The following C1orf21 variants were observed in gnomAD, a reference collection of about 807,000 sequenced individuals.
C1orf21 encodes chromosome 1 open reading frame 21.
A neutral mutation model predicts 18.7 loss-of-function variants in C1orf21; 3 were observed. The observed-to-expected ratio is 0.16, with a 90% CI of 0.07 to 0.42. The LOEUF (loss-of-function observed/expected upper bound fraction) is 0.42. Ranked by LOEUF, C1orf21 falls within the 10% of genes least tolerant of loss-of-function variation. C1orf21 has a pLI of 0.99. For missense variants in C1orf21, 104 were observed against 143.6 expected, an observed-to-expected ratio of 0.72 and a Z score of 1.41; for synonymous variants, 41 against 46.4, an observed-to-expected ratio of 0.88 and a Z score of 0.47.
chr1:184,454,758 G>T (rs191195721), intron 1 of C1orf21, among the ~76,000 whole-genome samples: 146 of 152,226 alleles, frequency 9.6e-4, no homozygotes, highest in African/African-American at 3.0e-3. Flanking sequence ...CTCCCTAGAA[G>T]GTGGGCATGT....
intron 3 of C1orf21, among the ~76,000 whole-genome samples, chr1:184,572,112 G>T (rs1289398981): frequency 6.6e-6 from 1 of 152,170 alleles, no homozygotes; most frequent in Admixed American, 6.5e-5. Context: ...CTTGGGAGGG[G>T]TGCTGTCAAT....
intron 1 of C1orf21, among the ~76,000 whole-genome samples, chr1:184,407,535 T>G (rs1454566094): frequency 6.6e-6 from 1 of 152,304 alleles, no homozygotes; most frequent in East Asian, 1.9e-4. Context: ...CCGCATCCGC[T>G]TAGTGCAGCG....
At chr1:184,558,678 C>T (rs1026023120) in intron 3 of C1orf21, among the ~76,000 whole-genome samples, 2 of 152,174 alleles carry the variant, frequency 1.3e-5, no homozygotes, top group African/African-American at 2.4e-5. Context: ...TGGGATCCTT[C>T]GAGTAAACTT....
intron 1 of C1orf21, among the ~76,000 whole-genome samples, chr1:184,435,115 T>C (rs1268366877): frequency 6.6e-6 from 1 of 152,108 alleles, no homozygotes; most frequent in African/African-American, 2.4e-5. Flanking sequence ...ACTGGTGAGA[T>C]GTATGAGGAA....
chr1:184,523,009 C>T (rs1658325929), intron 3 of C1orf21, among the ~76,000 whole-genome samples: 1 of 152,082 alleles, frequency 6.6e-6, no homozygotes, highest in Non-Finnish European at 1.5e-5. Flanking sequence ...ACACTTTATA[C>T]AGAGTATAAA....
In C1orf21 at chr1:184,625,675, T is replaced by C. The variant is rs1187657630; in HGVS notation, c.*6119T>C. The C allele has an allele frequency of 6.6e-6, 1 of 152,580 alleles. No homozygotes were observed. The highest frequency in any genetic ancestry group is 1.5e-5 in the Non-Finnish European group (1 of 68,030). The allele number at this position is 152,580 out of a possible 1,614,324, so 9.5% of individuals were successfully genotyped here. A position where few individuals can be genotyped will look rare whatever the true frequency, so the allele number is the denominator to read the frequency against. On this transcript the variant is annotated 3_prime_UTR_variant, in exon 6 of 6. Coordinates refer to ENST00000235307, the MANE Select transcript of C1orf21 (RefSeq NM_030806.4). ...TCCAAGATAGTGTCTAGGAAAGTAA[T>C]AGTATAACTATAGGGATACCGAAAC...
intron 1 of C1orf21, chr1:184,412,139 T>C (rs1196373671): frequency 1.3e-5 from 2 of 152,260 alleles, no homozygotes; most frequent in African/African-American, 4.8e-5. Context: ...TAAATATTCC[T>C]GTCAGCTAAA....
chr1:184,445,327 A>G (rs1657011259), intron 1 of C1orf21, among the ~76,000 whole-genome samples: 1 of 143,772 alleles, frequency 7.0e-6, no homozygotes, highest in African/African-American at 2.7e-5. Flanking sequence ...ATGTAAAACC[A>G]CGCCCTTTTT....
At chr1:184,568,371 A>G (rs1659063564) in intron 3 of C1orf21, 1 of 456,528 alleles carries the variant, frequency 2.2e-6, no homozygotes, top group African/African-American at 2.2e-5. Context: ...ATTAAACACT[A>G]ACTCCTCCTT....
chr1:184,527,718 C>T (rs1006056036), intron 3 of C1orf21, among the ~76,000 whole-genome samples: 1 of 152,112 alleles, frequency 6.6e-6, no homozygotes, highest in African/African-American at 2.4e-5. Context: ...TAGATATAGG[C>T]CCTGTCACTT....
chr1:184,387,067 G>A lies in C1orf21; in HGVS notation c.-426G>A, dbSNP rs1287868551. Reference sequence around the variant, plus strand: ...TCCCGCTCGCTCCCTGCCCACTCCCGGGGGGACGTTCCGTGCCGCGGCCGC... The same window carrying A: ...TCCCGCTCGCTCCCTGCCCACTCCCAGGGGGACGTTCCGTGCCGCGGCCGC... On this transcript the variant is annotated 5_prime_UTR_variant, in exon 1 of 6. Transcript: ENST00000235307. The surrounding 1 kb of genome is among the most constrained non-coding windows in gnomAD (Gnocchi z 5.6). The A allele has an allele frequency of 6.6e-6, 1 of 151,670 alleles. No individual in the cohort carries two copies. The highest frequency in any genetic ancestry group is 6.6e-5 in the Admixed American group (1 of 15,262). 9.4% of individuals were successfully genotyped at this position (151,670 alleles called of 1,614,324 possible). A position where few individuals can be genotyped will look rare whatever the true frequency, so the allele number is the denominator to read the frequency against.
chr1:184,397,329 G>A (rs1235294430), intron 1 of C1orf21, among the ~76,000 whole-genome samples: 1 of 152,214 alleles, frequency 6.6e-6, no homozygotes, highest in African/African-American at 2.4e-5. Flanking sequence ...GCTCACGCCT[G>A]TAATCCCAGC....
At chr1:184,599,521 A>G (rs575086727) in intron 5 of C1orf21, 3 of 152,296 alleles carry the variant, frequency 2.0e-5, no homozygotes, top group Non-Finnish European at 4.4e-5. Context: ...CAATGCGAAA[A>G]ATAGAGATGG....
rs548405583 is a variant in C1orf21 at position 184,422,753 on chromosome 1, C to T, written c.-125+35385C>T. On this transcript the variant is annotated intron_variant, in intron 1 of 5. Coordinates refer to ENST00000235307, the MANE Select transcript of C1orf21 (RefSeq NM_030806.4). Reference sequence around the variant, plus strand: ...GGATTTTCTTCCCGTACATATCTCTCTGAGAGCATTGTTGCACTTTGCCAT... The same window carrying T: ...GGATTTTCTTCCCGTACATATCTCTTTGAGAGCATTGTTGCACTTTGCCAT... Among the ~76,000 whole-genome samples, 15 of 152,342 alleles carry T rather than the reference C, an allele frequency of 9.8e-5. No homozygotes were observed. The South Asian group carries it at 3.1e-3, about 32-fold the overall frequency.
intron 1 of C1orf21, among the ~76,000 whole-genome samples, chr1:184,417,241 C>G (rs767997314): frequency 5.9e-5 from 9 of 152,072 alleles, no homozygotes; most frequent in Non-Finnish European, 1.2e-4. Flanking sequence ...AAAAGAAAAG[C>G]TGCATAAAAA....
At chr1:184,393,188 A>G (rs972053305) in intron 1 of C1orf21, among the ~76,000 whole-genome samples, 1 of 152,044 alleles carries the variant, frequency 6.6e-6, no homozygotes, top group Non-Finnish European at 1.5e-5. Context: ...AATGTGTCTG[A>G]ATGAGCTTTT....
At chr1:184,521,665 G>T (rs138095482) in intron 3 of C1orf21, among the ~76,000 whole-genome samples, 5 of 152,272 alleles carry the variant, frequency 3.3e-5, no homozygotes, top group Admixed American at 6.5e-5. Context: ...ATTCTGTATG[G>T]TACTGTAATG....
chr1:184,399,639 G>GCCA (rs772845044), intron 1 of C1orf21, among the ~76,000 whole-genome samples: 7 of 152,116 alleles, frequency 4.6e-5, no homozygotes, highest in Non-Finnish European at 8.8e-5. Flanking sequence ...ATAGGCATGA[G>GCCA]CCACCACTCC....
chr1:184,505,810 G>T (rs1658052907), intron 2 of C1orf21, among the ~76,000 whole-genome samples: 2 of 151,752 alleles, frequency 1.3e-5, no homozygotes, highest in South Asian at 4.1e-4. Flanking sequence ...ATCTCAGTCT[G>T]CCAGGATTTA....
Sources: allele counts gnomAD v4.1 joint callset (sites outside exome capture counted in the v4.1 genomes callset), GRCh38; gene constraint gnomAD v4.1.1; non-coding constraint Gnocchi (gnomAD v3.1); transcripts MANE v1.5; gene names NCBI Gene and HGNC (gene_info 2026-07-23, HGNC 2026-07-21).